SMAD2: variants seen among roughly 807,000 people sequenced by gnomAD.
SMAD2 encodes the protein SMAD family member 2.
SMAD2 carries 8 observed loss-of-function variants against 64.4 expected under a neutral mutation model. The ratio of observed to expected loss-of-function variants is 0.12; its 90% confidence interval spans 0.07 to 0.22. The LOEUF is 0.22. Ranked by LOEUF, SMAD2 falls within the 10% of genes least tolerant of loss-of-function variation. SMAD2 has a pLI of 1.00. For synonymous variants in SMAD2, 203 were observed against 195.8 expected, an observed-to-expected ratio of 1.04 and a Z score of -0.31; for missense variants, 289 against 561.2, an observed-to-expected ratio of 0.51 and a Z score of 4.90.
At position 47,838,527 on chromosome 18, in the gene SMAD2, A is replaced by G; in HGVS notation, c.*3300T>C. 4.3e-6 allele frequency: 1 copy of G among 233,128 alleles called. No homozygotes were observed. Among genetic ancestry groups the G allele is most frequent in the Non-Finnish European group, 8.5e-6 (1 of 117,866 alleles). 14.4% of individuals were successfully genotyped at this position (233,128 alleles called of 1,614,324 possible). A position where few individuals can be genotyped will look rare whatever the true frequency, so the allele number is the denominator to read the frequency against. ...TAACTGAATGTGTATTATAAGGTATAATCGGTATAACTGATATAGCTCAAA... is the reference window on the plus strand; with the variant it reads ...TAACTGAATGTGTATTATAAGGTATGATCGGTATAACTGATATAGCTCAAA... On this transcript the variant is annotated 3_prime_UTR_variant, in exon 11 of 11. Coordinates refer to ENST00000262160, the MANE Select transcript of SMAD2 (RefSeq NM_005901.6).
At chr18:47,902,012 C>G (rs1161126984) in intron 1 of SMAD2, among the ~76,000 whole-genome samples, 1 of 152,116 alleles carries the variant, frequency 6.6e-6, no homozygotes, top group East Asian at 1.9e-4. Flanking sequence ...TATCTCAACA[C>G]CATAGGACTA....
chr18:47,843,663 GA>G (rs1281489550), intron 10 of SMAD2, among the ~76,000 whole-genome samples: 1 of 152,146 alleles, frequency 6.6e-6, no homozygotes, highest in East Asian at 1.9e-4. Flanking sequence ...CAGATAGATG[GA>G]TATTTGCCAT....
chr18:47,851,568 T>A (rs992213610), intron 6 of SMAD2, among the ~76,000 whole-genome samples: 2 of 152,112 alleles, frequency 1.3e-5, no homozygotes, highest in African/African-American at 4.8e-5. Flanking sequence ...CAGTTCATCT[T>A]CCCAAAGATA....
intron 8 of SMAD2, among the ~76,000 whole-genome samples, chr18:47,847,287 T>C (rs576668775): frequency 2.0e-4 from 30 of 152,284 alleles, no homozygotes; most frequent in Non-Finnish European, 3.2e-4. Context: ...AACCAAGTAA[T>C]AGATCTTCTA....
chr18:47,853,980 T>A (rs2030410334), intron 6 of SMAD2, among the ~76,000 whole-genome samples: 1 of 152,106 alleles, frequency 6.6e-6, no homozygotes, highest in Non-Finnish European at 1.5e-5. Flanking sequence ...ACCAGTAGGA[T>A]CATTTAAATT....
intron 8 of SMAD2, among the ~76,000 whole-genome samples, chr18:47,846,597 C>T (rs1914512383): frequency 6.6e-6 from 1 of 152,142 alleles, no homozygotes; most frequent in East Asian, 1.9e-4. Context: ...AGGTATTCAA[C>T]ACAAGAGACA....
chr18:47,854,707 C>CT (rs1226378956), intron 6 of SMAD2, among the ~76,000 whole-genome samples: 70 of 150,630 alleles, frequency 4.6e-4, no homozygotes, highest in Admixed American at 1.7e-3. Context: ...TTAAAAAAGA[C>CT]TTTTTTTTTA....
intron 1 of SMAD2, among the ~76,000 whole-genome samples, chr18:47,898,199 T>C (rs1161835550): frequency 1.3e-5 from 2 of 152,104 alleles, no homozygotes; most frequent in Non-Finnish European, 2.9e-5. Flanking sequence ...TGTGAAGAAA[T>C]TGTTATCATT....
intron 2 of SMAD2, among the ~76,000 whole-genome samples, chr18:47,875,579 G>C (rs1177032187): frequency 6.6e-6 from 1 of 152,020 alleles, no homozygotes; most frequent in Non-Finnish European, 1.5e-5. Context: ...TTTTAGAGAA[G>C]TAGCACTGAT....
At chr18:47,905,851 C>T (rs1170954015) in intron 1 of SMAD2, among the ~76,000 whole-genome samples, 1 of 152,190 alleles carries the variant, frequency 6.6e-6, no homozygotes, top group Non-Finnish European at 1.5e-5. Flanking sequence ...GTGGCTCACA[C>T]CTGTAATCCC....
At chr18:47,875,220 G>A (rs775090314) in intron 2 of SMAD2, among the ~76,000 whole-genome samples, 1 of 151,976 alleles carries the variant, frequency 6.6e-6, no homozygotes, top group South Asian at 2.1e-4. Flanking sequence ...TCTAACAAAC[G>A]AGGTCAATTT....
chr18:47,870,336 A>G (rs1274838674), intron 3 of SMAD2, 139 bp downstream of exon 3: 4 of 663,654 alleles, frequency 6.0e-6, no homozygotes, highest in African/African-American at 5.5e-5. Flanking sequence ...TGGCAAGCAG[A>G]TATTTTAAAT....
chr18:47,838,337 T>G lies in SMAD2; in HGVS notation c.*3490A>C, dbSNP rs1469318630. ...AGAAAATTTAGCTTTCAAGAAAAAT[T>G]AGGCAGATTTCCTTCTGCCAAAGTG... On this transcript the variant is annotated 3_prime_UTR_variant, in exon 11 of 11. Coordinates refer to ENST00000262160, the MANE Select transcript of SMAD2 (RefSeq NM_005901.6). 1 of 233,136 alleles carries G rather than the reference T, an allele frequency of 4.3e-6. No homozygotes were observed. Among genetic ancestry groups the G allele is most frequent in the Non-Finnish European group, 8.5e-6 (1 of 118,002 alleles). The allele number at this position is 233,136 out of a possible 1,614,324, so 14.4% of individuals were successfully genotyped here.
At chr18:47,906,694 C>T (rs1415542149) in intron 1 of SMAD2, among the ~76,000 whole-genome samples, 1 of 152,138 alleles carries the variant, frequency 6.6e-6, no homozygotes, top group African/African-American at 2.4e-5. Flanking sequence ...GGACTGATTC[C>T]TCCTGGAGTG....
rs1480775371 is a variant in SMAD2, at chr18:47,891,173, C to T, written c.236+5348G>A. ...ATACAAAATTAGACAGGCATGGTGG[C>T]GCATGCCTATAATCCCAGCTACTTG... is the stretch of plus-strand genomic sequence containing the variant. On this transcript the variant is annotated intron_variant, in intron 2 of 10. Coordinates refer to ENST00000262160, the MANE Select transcript of SMAD2 (RefSeq NM_005901.6). Among the ~76,000 whole-genome samples the T allele has an allele frequency of 3.3e-5, 5 of 152,194 alleles. No individual in the cohort carries two copies. The South Asian group carries it at 6.2e-4, about 19-fold the overall frequency.
chr18:47,900,430 G>A (rs556483325), intron 1 of SMAD2, among the ~76,000 whole-genome samples: 73 of 152,094 alleles, frequency 4.8e-4, no homozygotes, highest in African/African-American at 1.3e-3. Flanking sequence ...TCTATTTAAC[G>A]GCTGTAGGAT....
Position 47,906,610 on chromosome 18 carries a change from T to G in SMAD2, c.-53-9801A>C, listed in dbSNP as rs919584099. Among the ~76,000 whole-genome samples, 17 of 152,226 alleles carry G rather than the reference T, an allele frequency of 1.1e-4. 1 individual carries two copies. Among genetic ancestry groups the G allele is most frequent in the Admixed American group, 9.2e-4 (14 of 15,288 alleles). ...GAGTGTATTAGTATACTACTGCTGC[T>G]GTAACAAATAATCGCAATCACAGCA... On this transcript the variant is annotated intron_variant, in intron 1 of 10. Transcript: ENST00000262160.
chr18:47,855,562 TA>T (rs2030599956), intron 6 of SMAD2, among the ~76,000 whole-genome samples: 1 of 152,156 alleles, frequency 6.6e-6, no homozygotes, highest in Non-Finnish European at 1.5e-5. Flanking sequence ...AAAAATTTTT[TA>T]TTTCTCCTTC....
chr18:47,892,284 G>A (rs1370062242), intron 2 of SMAD2, among the ~76,000 whole-genome samples: 1 of 149,268 alleles, frequency 6.7e-6, no homozygotes, highest in Non-Finnish European at 1.5e-5. Context: ...ACCGCAACCT[G>A]TGCCTCCTGG....
Sources: allele counts gnomAD v4.1 joint callset (sites outside exome capture counted in the v4.1 genomes callset), GRCh38; gene constraint gnomAD v4.1.1; transcripts MANE v1.5; gene names NCBI Gene and HGNC (gene_info 2026-07-23, HGNC 2026-07-21).